Variants in USP24 observed in about 807,000 individuals in gnomAD.
USP24 encodes the protein ubiquitin carboxyl-terminal hydrolase 24.
A neutral mutation model predicts 361.6 loss-of-function variants in USP24; 97 were observed. The observed-to-expected ratio is 0.27, with a 90% CI of 0.23 to 0.32. The LOEUF (loss-of-function observed/expected upper bound fraction) is 0.32, where lower values mean the gene tolerates loss of function less well. Among genes scored for constraint, USP24 ranks in the 10% least tolerant of loss-of-function variants. The pLI is 1.00. For missense variants in USP24, 2,353 were observed against 3,165.6 expected (o/e 0.74, Z 6.16); for synonymous variants, 1,098 against 1,124.6 (o/e 0.98, Z 0.47).
In USP24 at chr1:55,138,703, G is replaced by T. The variant is rs765371048; in HGVS notation, c.2833C>A (p.Pro945Thr). The change falls in exon 26 of 68, where the codon CCA (proline) becomes ACA (threonine). Residue 945 changes from proline (P) to threonine (T), a missense_variant. Physicochemically the swap from Pro to Thr is conservative, Grantham distance 38. Around this residue, in one of 8 missense-constraint regions of USP24, gnomAD observed 949 missense variants for 1,280.5 expected, o/e 0.74. Transcript: ENST00000294383. ...GCACCATGAGGTAGAATAGTTCGTG[G>T]AACAGAGTAAAAATCCTTAAAAAAC... Reference protein sequence around the residue: ...VITIEDFYSVPRTILPHGASF... With the variant: ...VITIEDFYSVTRTILPHGASF... 6.2e-7 allele frequency: 1 copy of T among 1,612,154 alleles called. No homozygotes were observed. Among genetic ancestry groups the T allele is most frequent in the Non-Finnish European group, 8.5e-7 (1 of 1,178,998 alleles).
intron 52 of USP24, chr1:55,093,704 G>A: frequency 2.3e-6 from 1 of 439,086 alleles, no homozygotes; most frequent in Non-Finnish European, 4.0e-6. Flanking sequence ...GAGCAGGTCA[G>A]TGATTGTGCC....
intron 41 of USP24, 115 bp downstream of exon 41, chr1:55,106,031 T>C (rs1488191150): frequency 1.2e-5 from 10 of 819,544 alleles, no homozygotes; most frequent in African/African-American, 1.7e-5. Flanking sequence ...GTGGATAATA[T>C]AGGATACACA....
chr1:55,179,058 C>T (rs1040108102), intron 1 of USP24, among the ~76,000 whole-genome samples: 1 of 152,172 alleles, frequency 6.6e-6, no homozygotes, highest in African/African-American at 2.4e-5. Context: ...TGACAACACC[C>T]CAATCTGGAT....
intron 20 of USP24, among the ~76,000 whole-genome samples, chr1:55,145,105 C>G (rs1646993441): frequency 6.6e-6 from 1 of 152,158 alleles, no homozygotes; most frequent in South Asian, 2.1e-4. Context: ...CTTTGCAAAA[C>G]AGACAGTTCC....
chr1:55,126,565 T>C (rs1646435693), intron 32 of USP24, among the ~76,000 whole-genome samples: 1 of 152,250 alleles, frequency 6.6e-6, no homozygotes, highest in Admixed American at 6.5e-5. Flanking sequence ...ATCTGGTACA[T>C]GAATTAAATG....
intron 36 of USP24, among the ~76,000 whole-genome samples, chr1:55,122,680 A>G (rs1055378214): frequency 6.6e-6 from 1 of 152,080 alleles, no homozygotes; most frequent in Non-Finnish European, 1.5e-5. Context: ...GAAGGGGGAT[A>G]TGCTGACAGA....
At chr1:55,092,987 GAT>G in intron 52 of USP24, 71 bp from the exon 53 acceptor site, 1 of 966,404 alleles carries the variant, frequency 1.0e-6, no homozygotes, top group Non-Finnish European at 1.5e-6. Flanking sequence ...CATTTCTAAT[GAT>G]ATGTAAAAAT....
At chr1:55,189,492 C>T in intron 1 of USP24, among the ~76,000 whole-genome samples, 1 of 152,258 alleles carries the variant, frequency 6.6e-6, no homozygotes, top group Non-Finnish European at 1.5e-5. Flanking sequence ...CATATTGTAT[C>T]ATTCTGTTTA....
At chr1:55,146,242 A>C in intron 19 of USP24, 133 bp from the exon 20 acceptor site, 1 of 551,690 alleles carries the variant, frequency 1.8e-6, no homozygotes. Context: ...CAAAGCTAAA[A>C]TGCTTGGAAT....
intron 9 of USP24, 87 bp from the exon 10 acceptor site, chr1:55,159,123 G>A (rs1358349516): frequency 1.7e-6 from 2 of 1,184,084 alleles, no homozygotes; most frequent in Non-Finnish European, 2.2e-6. Flanking sequence ...AGAATATAGG[G>A]TAACAGTGGT....
At chr1:55,103,442 C>G (rs1645690965) in intron 42 of USP24, among the ~76,000 whole-genome samples, 1 of 152,178 alleles carries the variant, frequency 6.6e-6, no homozygotes, top group South Asian at 2.1e-4. Context: ...ATCCTATTTT[C>G]ATTTTTGACC....
In USP24 at chr1:55,117,812, C is replaced by T. The variant is rs1039623684; in HGVS notation, c.4508+2784G>A. Among the ~76,000 whole-genome samples, 8 of 145,354 alleles carry T rather than the reference C, an allele frequency of 5.5e-5. No individual in the cohort carries two copies. In the South Asian group the frequency reaches 1.8e-3, roughly 32 times the overall value. ...ATAAATTCAGCAAAGTTGCAGCATA[C>T]AGAATCAACACAAAAATCAGTTGTG... On this transcript the variant is annotated intron_variant, in intron 38 of 67. Coordinates refer to ENST00000294383, the MANE Select transcript of USP24 (RefSeq NM_015306.3).
intron 1 of USP24, among the ~76,000 whole-genome samples, chr1:55,211,378 C>T (rs934137951): frequency 4.6e-5 from 7 of 152,210 alleles, no homozygotes; most frequent in African/African-American, 1.7e-4. Flanking sequence ...ACATTTACAT[C>T]CAACAATACT....
At chr1:55,139,572 T>C (rs531664802) in intron 24 of USP24, among the ~76,000 whole-genome samples, 15 of 152,344 alleles carry the variant, frequency 9.8e-5, no homozygotes, top group African/African-American at 3.6e-4. Flanking sequence ...CATCAGCTTA[T>C]ATAGTCATAG....
chr1:55,159,027 TA>T lies in USP24; in HGVS notation c.1077del (p.Ser360AlafsTer21). 1 of 1,525,532 alleles carries T rather than the reference TA, an allele frequency of 6.6e-7. No individual in the cohort carries two copies. Among genetic ancestry groups the T allele is most frequent in the Non-Finnish European group, 8.8e-7 (1 of 1,136,108 alleles). 94.5% of individuals were successfully genotyped at this position (1,525,532 alleles called of 1,614,324 possible). A position where few individuals can be genotyped will look rare whatever the true frequency, so the allele number is the denominator to read the frequency against. ...EEKDLKDKRL[V>X]SIPELLSAVK... ...ACGGCAGACAAGAGCTCAGGGATGC[TA>T]ACCAATCTCTTTTATTGAATAAAAA... On this transcript the variant is annotated frameshift_variant, in exon 10 of 68. Transcript: ENST00000294383. LOFTEE classifies it high-confidence loss of function.
chr1:55,148,493 G>C lies in USP24; in HGVS notation c.1938C>G (p.Phe646Leu). Residue 646 changes from phenylalanine to leucine, a missense_variant, in exon 17 of 68, where the codon TTC (phenylalanine) becomes TTG (leucine). Physicochemically the swap from Phe to Leu is conservative, Grantham distance 22. Coordinates refer to ENST00000294383, the MANE Select transcript of USP24 (RefSeq NM_015306.3). ...LRQLHEITRS[F>L]IKQTYQKQDK... is the part of the protein sequence containing the mutation. ...CTTGCTTTTGATAGGTTTGTTTTAT[G>C]AATGAGCGAGTAATTTCATGGAGCT... The C allele has an allele frequency of 6.3e-7, 1 of 1,589,866 alleles. No individual in the cohort carries two copies.
intron 1 of USP24, among the ~76,000 whole-genome samples, chr1:55,213,257 T>C (rs1488025179): frequency 6.6e-6 from 1 of 152,204 alleles, no homozygotes; most frequent in Non-Finnish European, 1.5e-5. Context: ...CTCAATTATA[T>C]GGGAATTTAA....
At chr1:55,194,601 CA>C (rs1228518508) in intron 1 of USP24, among the ~76,000 whole-genome samples, 10 of 143,106 alleles carry the variant, frequency 7.0e-5, no homozygotes, top group East Asian at 2.0e-4. Context: ...GACCCTGTCT[CA>C]AAAAAAAAAG....
chr1:55,141,575 G>A (rs776406545), intron 24 of USP24, 41 bp downstream of exon 24: 1 of 1,505,268 alleles, frequency 6.6e-7, no homozygotes. Context: ...TTAAAAAACT[G>A]ACATATGTGT....
Sources: gnomAD v4.1 joint callset for allele counts (sites outside exome capture counted in the v4.1 genomes callset) on GRCh38, gnomAD v4.1.1 for gene constraint, gnomAD v4.1.1 regional missense constraint, MANE v1.5 for transcripts, NCBI Gene and HGNC (gene_info 2026-07-23, HGNC 2026-07-21) for gene names.